The following GALNT13 variants were observed in gnomAD, a reference collection of about 807,000 sequenced individuals.
The protein encoded by GALNT13 is UDP-GalNAc:polypeptide N-acetylgalactosaminyltransferase 13.
In GALNT13, 28 loss-of-function variants were observed where a neutral mutation model predicts 64.2. The ratio of observed to expected loss-of-function variants is 0.44; its 90% CI spans 0.32 to 0.60. The LOEUF (loss-of-function observed/expected upper bound fraction) is 0.60. Among genes scored for constraint, GALNT13 ranks in the 20% least tolerant of loss-of-function variants. The pLI is 0.05. For synonymous variants in GALNT13, 214 were observed against 224.6 expected (o/e 0.95, Z 0.42); for missense variants, 577 against 669.8 (o/e 0.86, Z 1.53).
chr2:153,361,669 T>C, the GALNT13 span, among the ~76,000 whole-genome samples: 21,049 of 151,786 alleles, frequency 0.14, 1,532 homozygotes, highest in Non-Finnish European at 0.17. Flanking sequence ...GACAAGATTT[T>C]AGAAAAAAAG....
chr2:154,358,536 TA>T (rs1696878909), intron 9 of GALNT13, among the ~76,000 whole-genome samples: 1 of 152,152 alleles, frequency 6.6e-6, no homozygotes, highest in Non-Finnish European at 1.5e-5. Context: ...TTGAAGTTTC[TA>T]TGTAATATAA....
At chr2:153,808,551 C>G in the GALNT13 span, among the ~76,000 whole-genome samples, 1 of 152,070 alleles carries the variant, frequency 6.6e-6, no homozygotes, top group Admixed American at 6.6e-5. Context: ...TAACTTTATT[C>G]CTGACATTAT....
intron 8 of GALNT13, among the ~76,000 whole-genome samples, chr2:154,269,925 T>TATTTATATATATG (rs1421612508): frequency 2.2e-5 from 3 of 139,236 alleles, no homozygotes; most frequent in African/African-American, 5.3e-5. Context: ...TATATATATA[T>TATTTATATATATG]TTCTAAAGCA....
At chr2:153,636,676 T>C in the GALNT13 span, among the ~76,000 whole-genome samples, 1 of 152,168 alleles carries the variant, frequency 6.6e-6, no homozygotes, top group African/African-American at 2.4e-5. Flanking sequence ...AGGCTTCTCT[T>C]CCTTCTAGTA....
chr2:153,332,265 G>C, the GALNT13 span, among the ~76,000 whole-genome samples: 1 of 152,086 alleles, frequency 6.6e-6, no homozygotes, highest in Admixed American at 6.6e-5. Flanking sequence ...TAGATGTGAT[G>C]TTAGATGGCT....
At chr2:154,364,862 G>A (rs1697279644) in intron 9 of GALNT13, among the ~76,000 whole-genome samples, 1 of 152,124 alleles carries the variant, frequency 6.6e-6, no homozygotes, top group Non-Finnish European at 1.5e-5. Flanking sequence ...GTAGAGACGG[G>A]GTTTTGCCAT....
At chr2:153,337,522 A>G in the GALNT13 span, among the ~76,000 whole-genome samples, 1 of 152,230 alleles carries the variant, frequency 6.6e-6, no homozygotes, top group East Asian at 1.9e-4. Context: ...AATAATCCTC[A>G]TCCTACTGTT....
At chr2:153,268,484 G>A in the GALNT13 span, among the ~76,000 whole-genome samples, 2 of 152,222 alleles carry the variant, frequency 1.3e-5, no homozygotes, top group Admixed American at 6.5e-5. Flanking sequence ...TGTGGGGCTG[G>A]CATTGAGTGC....
chr2:153,694,189 T>C, the GALNT13 span, among the ~76,000 whole-genome samples: 1 of 152,202 alleles, frequency 6.6e-6, no homozygotes, highest in Non-Finnish European at 1.5e-5. Flanking sequence ...TTTGGGTAAC[T>C]CAGTTACGAA....
chr2:154,196,183 G>A (rs553483957), intron 4 of GALNT13, among the ~76,000 whole-genome samples: 2 of 148,242 alleles, frequency 1.3e-5, no homozygotes, highest in Non-Finnish European at 1.5e-5. Flanking sequence ...AGCTATTTCT[G>A]ATAAAAAGAG....
At chr2:153,181,965 C>A in the GALNT13 span, among the ~76,000 whole-genome samples, 1 of 149,852 alleles carries the variant, frequency 6.7e-6, no homozygotes, top group African/African-American at 2.4e-5. Context: ...ATATTAATAT[C>A]CTTAAGCATT....
chr2:153,225,460 C>G, the GALNT13 span, among the ~76,000 whole-genome samples: 2 of 152,104 alleles, frequency 1.3e-5, no homozygotes, highest in Non-Finnish European at 2.9e-5. Flanking sequence ...TCTCACCACT[C>G]CTATTCACCC....
chr2:153,566,348 G>GCTTTTTTTTTTTTTTTTTT, the GALNT13 span, among the ~76,000 whole-genome samples: 1 of 74,826 alleles, frequency 1.3e-5, no homozygotes, highest in African/African-American at 6.4e-5. Flanking sequence ...TTCTAATCAC[G>GCTTTTTTTTTTTTTTTTTT]TTTTTTTTTT....
chr2:153,804,419 C>A, the GALNT13 span, among the ~76,000 whole-genome samples: 1 of 152,142 alleles, frequency 6.6e-6, no homozygotes, highest in African/African-American at 2.4e-5. Context: ...TCAAGCTATC[C>A]TCCCACATCA....
At chr2:153,296,224 G>C in the GALNT13 span, among the ~76,000 whole-genome samples, 1 of 152,122 alleles carries the variant, frequency 6.6e-6, no homozygotes, top group African/African-American at 2.4e-5. Flanking sequence ...TTCTAGAAAG[G>C]GGACCCCAGG....
At chr2:154,398,217 C>A (rs1417050379) in intron 10 of GALNT13, among the ~76,000 whole-genome samples, 1 of 152,050 alleles carries the variant, frequency 6.6e-6, no homozygotes, top group African/African-American at 2.4e-5. Context: ...TCAGTGGACC[C>A]AAATCATTAG....
At chr2:153,259,351 A>T in the GALNT13 span, among the ~76,000 whole-genome samples, 1 of 151,334 alleles carries the variant, frequency 6.6e-6, no homozygotes, top group African/African-American at 2.4e-5. Flanking sequence ...AGAACAGATC[A>T]TTAGGTCTTG....
At chr2:153,344,243 G>A in the GALNT13 span, among the ~76,000 whole-genome samples, 480 of 152,286 alleles carry the variant, frequency 3.2e-3, 18 homozygotes, top group East Asian at 0.085. Flanking sequence ...TCCACCATTT[G>A]TCTCAATAAT....
At chr2:153,503,354 G>A in the GALNT13 span, among the ~76,000 whole-genome samples, 35 of 152,034 alleles carry the variant, frequency 2.3e-4, no homozygotes, top group Non-Finnish European at 4.6e-4. Context: ...CCCACTTAAT[G>A]TTTTTGTTTG....
Sources: gnomAD v4.1 joint callset for allele counts (sites outside exome capture counted in the v4.1 genomes callset) on GRCh38, gnomAD v4.1.1 for gene constraint, MANE v1.5 for transcripts, NCBI Gene and HGNC (gene_info 2026-07-23, HGNC 2026-07-21) for gene names.